PIK3C2G: variants seen among roughly 807,000 people sequenced by gnomAD.
PIK3C2G encodes phosphatidylinositol-4-phosphate 3-kinase catalytic subunit type 2 gamma.
In PIK3C2G, 168 loss-of-function variants were observed where a neutral mutation model predicts 181.1. The observed-to-expected ratio is 0.93, with a 90% CI of 0.82 to 1.05. PIK3C2G has a LOEUF of 1.05. PIK3C2G is among the 50% of genes least tolerant of loss of function. The pLI is 0.00. For synonymous variants in PIK3C2G, 573 were observed against 592.2 expected, an observed-to-expected ratio of 0.97 and a Z score of 0.47; for missense variants, 1,869 against 1,732.8, an observed-to-expected ratio of 1.08 and a Z score of -1.40.
the PIK3C2G span, among the ~76,000 whole-genome samples, chr12:18,708,160 T>C: frequency 6.6e-6 from 1 of 152,214 alleles, no homozygotes; most frequent in Non-Finnish European, 1.5e-5. Context: ...CCTACCTTTC[T>C]CCATTTTCTT....
At chr12:18,318,393 G>T (rs1950961948) in intron 6 of PIK3C2G, among the ~76,000 whole-genome samples, 2 of 151,760 alleles carry the variant, frequency 1.3e-5, no homozygotes, top group South Asian at 2.1e-4. Flanking sequence ...TATCTGAATT[G>T]CCCTATTTTA....
intron 18 of PIK3C2G, among the ~76,000 whole-genome samples, chr12:18,430,820 G>C (rs1946112168): frequency 6.6e-6 from 1 of 152,136 alleles, no homozygotes; most frequent in Admixed American, 6.5e-5. Flanking sequence ...AGCATCTTCT[G>C]TACCAGTTGA....
At chr12:18,565,764 T>A (rs2136347920) in intron 28 of PIK3C2G, among the ~76,000 whole-genome samples, 1 of 152,306 alleles carries the variant, frequency 6.6e-6, no homozygotes, top group East Asian at 1.9e-4. Context: ...AGTACATATA[T>A]CTATAAAAAT....
intron 18 of PIK3C2G, among the ~76,000 whole-genome samples, chr12:18,464,932 T>C (rs575662384): frequency 1.8e-4 from 28 of 152,140 alleles, no homozygotes; most frequent in African/African-American, 6.5e-4. Flanking sequence ...GCCTTCATTT[T>C]CTGTTTCTTT....
At chr12:18,550,875 C>T (rs1944693305) in intron 26 of PIK3C2G, among the ~76,000 whole-genome samples, 1 of 152,018 alleles carries the variant, frequency 6.6e-6, no homozygotes, top group South Asian at 2.1e-4. Context: ...ACAATATTAG[C>T]ACTAAAGGGC....
At chr12:18,365,051 T>A (rs1941541217) in intron 12 of PIK3C2G, among the ~76,000 whole-genome samples, 1 of 152,202 alleles carries the variant, frequency 6.6e-6, no homozygotes, top group African/African-American at 2.4e-5. Flanking sequence ...AAAATCTAAT[T>A]CTAAACTCAA....
chr12:18,721,950 CTA>C, the PIK3C2G span, among the ~76,000 whole-genome samples: 2 of 152,104 alleles, frequency 1.3e-5, no homozygotes, highest in Non-Finnish European at 2.9e-5. Context: ...CTATAAGAAC[CTA>C]TATGGTTTGA....
intron 11 of PIK3C2G, among the ~76,000 whole-genome samples, chr12:18,351,936 T>C (rs1431894880): frequency 6.6e-6 from 1 of 152,208 alleles, no homozygotes; most frequent in African/African-American, 2.4e-5. Flanking sequence ...ATACCCTAGA[T>C]GTGTAGTGGG....
intron 8 of PIK3C2G, among the ~76,000 whole-genome samples, chr12:18,335,981 C>T (rs1356754885): frequency 2.0e-5 from 3 of 151,904 alleles, no homozygotes; most frequent in Non-Finnish European, 2.9e-5. Flanking sequence ...ACCCATGTAT[C>T]ACACATATTT....
rs558050977 is a variant in PIK3C2G at position 18,595,021 on chromosome 12, T to G, written c.4087+452T>G. Among the ~76,000 whole-genome samples, 504 of 152,222 alleles carry G rather than the reference T, an allele frequency of 3.3e-3. 3 individuals are homozygous for G. The highest frequency in any genetic ancestry group is 0.012 in the African/African-American group (478 of 41,556). ...CTTACATCATAGAATATTCAAGATT[T>G]GTTTCAACAGTGATGAGTGACAAAA... On this transcript the variant is annotated intron_variant, in intron 30 of 32. Transcript: ENST00000538779.
chr12:18,721,878 T>C, the PIK3C2G span, among the ~76,000 whole-genome samples: 1 of 151,978 alleles, frequency 6.6e-6, no homozygotes, highest in African/African-American at 2.4e-5. Context: ...CACTACAATA[T>C]CGAGAACCCT....
chr12:18,404,045 A>T (rs1196923877), intron 16 of PIK3C2G, among the ~76,000 whole-genome samples: 11 of 152,218 alleles, frequency 7.2e-5, no homozygotes, highest in Admixed American at 6.5e-4. Context: ...TTGCCATCCC[A>T]CATGATGTAA....
intron 15 of PIK3C2G, among the ~76,000 whole-genome samples, chr12:18,391,560 C>T (rs1236371181): frequency 6.6e-6 from 1 of 152,176 alleles, no homozygotes; most frequent in African/African-American, 2.4e-5. Context: ...AACCATCTCT[C>T]AACCTTCCTT....
intron 24 of PIK3C2G, among the ~76,000 whole-genome samples, chr12:18,513,632 G>A (rs1244438631): frequency 6.6e-6 from 1 of 151,706 alleles, no homozygotes; most frequent in African/African-American, 2.4e-5. Flanking sequence ...AGTGGCATCA[G>A]TTATAATGTC....
chr12:18,256,336 C>T (rs1423628609), intron 1 of PIK3C2G, among the ~76,000 whole-genome samples: 1 of 152,028 alleles, frequency 6.6e-6, no homozygotes, highest in African/African-American at 2.4e-5. Context: ...ACCCAAAGAC[C>T]TAACCCAGGC....
chr12:18,258,680 CAGT>C (rs1289994925), upstream of PIK3C2G, among the ~76,000 whole-genome samples: 1 of 150,630 alleles, frequency 6.6e-6, no homozygotes. Context: ...ACTTATATAG[CAGT>C]AGATGAATCT....
intron 13 of PIK3C2G, among the ~76,000 whole-genome samples, chr12:18,377,050 C>T (rs1051619990): frequency 7.2e-5 from 11 of 152,190 alleles, no homozygotes; most frequent in African/African-American, 2.7e-4. Context: ...CTTGCCTGGG[C>T]TCTACTCTTG....
At chr12:18,381,674 T>C in intron 13 of PIK3C2G, 92 bp from the exon 14 acceptor site, 1 of 767,978 alleles carries the variant, frequency 1.3e-6, no homozygotes, top group Admixed American at 2.0e-5. Context: ...GAGCGGATTA[T>C]GTTTATATTC....
intron 18 of PIK3C2G, among the ~76,000 whole-genome samples, chr12:18,451,841 G>A (rs1947380884): frequency 6.6e-6 from 1 of 152,138 alleles, no homozygotes; most frequent in Non-Finnish European, 1.5e-5. Context: ...GTGGTTTTTT[G>A]TCATTGGCTC....
Sources: gnomAD v4.1 joint callset for allele counts (sites outside exome capture counted in the v4.1 genomes callset) on GRCh38, gnomAD v4.1.1 for gene constraint, MANE v1.5 for transcripts, NCBI Gene and HGNC (gene_info 2026-07-23, HGNC 2026-07-21) for gene names.